The following ADAMTS16 variants were observed in gnomAD, a reference collection of about 807,000 sequenced individuals.
The protein encoded by ADAMTS16 is ADAM metallopeptidase with thrombospondin type 1 motif 16.
ADAMTS16 carries 94 observed loss-of-function variants against 145.8 expected under a neutral mutation model. That is an observed-to-expected ratio of 0.64 (90% CI 0.55 to 0.77). ADAMTS16 has a LOEUF of 0.77. ADAMTS16 is among the 30% of genes least tolerant of loss of function. The pLI is 0.00. For missense variants in ADAMTS16, 1,585 were observed against 1,591.5 expected (o/e 1.00, Z 0.07); for synonymous variants, 659 against 604.3 (o/e 1.09, Z -1.33).
chr5:5,145,041 G>A (rs1276616612), intron 2 of ADAMTS16, among the ~76,000 whole-genome samples: 1 of 152,166 alleles, frequency 6.6e-6, no homozygotes, highest in Admixed American at 6.5e-5. Context: ...GGCCTCACGG[G>A]AGCCTTGCAG....
chr5:5,318,845 G>A (rs1276829481), intron 22 of ADAMTS16, among the ~76,000 whole-genome samples, 178 bp from the exon 23 acceptor site: 1 of 152,204 alleles, frequency 6.6e-6, no homozygotes, highest in Non-Finnish European at 1.5e-5. Flanking sequence ...AAACTTCCAA[G>A]AAGGCTCTTG....
At chr5:5,143,820 G>A (rs1734227255) in intron 2 of ADAMTS16, among the ~76,000 whole-genome samples, 1 of 152,194 alleles carries the variant, frequency 6.6e-6, no homozygotes. Flanking sequence ...ATGAGTTCAT[G>A]TCATTTGCAG....
intron 18 of ADAMTS16, among the ~76,000 whole-genome samples, chr5:5,267,228 C>G (rs1298231428): frequency 1.3e-5 from 2 of 152,154 alleles, no homozygotes; most frequent in Non-Finnish European, 2.9e-5. Context: ...CTCCTGAACT[C>G]CCAGTGGGCA....
chr5:5,204,299 C>T (rs1489256699), intron 9 of ADAMTS16, among the ~76,000 whole-genome samples: 2 of 152,118 alleles, frequency 1.3e-5, no homozygotes, highest in Non-Finnish European at 1.5e-5. Flanking sequence ...TTTGACCTTC[C>T]TTAATGTGTT....
chr5:5,255,909 C>A (rs1338293258), intron 17 of ADAMTS16, among the ~76,000 whole-genome samples: 1 of 152,168 alleles, frequency 6.6e-6, no homozygotes, highest in Non-Finnish European at 1.5e-5. Context: ...TATTCTTACT[C>A]ATATATTGAC....
intron 4 of ADAMTS16, among the ~76,000 whole-genome samples, chr5:5,182,899 A>C (rs1353713985): frequency 6.6e-6 from 1 of 152,132 alleles, no homozygotes; most frequent in Non-Finnish European, 1.5e-5. Flanking sequence ...CACTTCCTTG[A>C]GCTCTCTCCT....
At chr5:5,313,020 A>T (rs530160955) in intron 21 of ADAMTS16, among the ~76,000 whole-genome samples, 56 of 152,356 alleles carry the variant, frequency 3.7e-4, no homozygotes, top group Non-Finnish European at 2.5e-4. Flanking sequence ...CTTTATCATT[A>T]TTTAACGTAT....
At position 5,283,280 on chromosome 5, in the gene ADAMTS16, A is replaced by G. The variant is rs527400947; in HGVS notation, c.2790-19988A>G. Among the ~76,000 whole-genome samples the G allele has an allele frequency of 1.1e-4, 16 of 152,322 alleles. No individual in the cohort carries two copies. In the South Asian group the frequency reaches 3.1e-3, roughly 30 times the overall value. On this transcript the variant is annotated intron_variant, in intron 18 of 22. Coordinates refer to ENST00000274181, the MANE Select transcript of ADAMTS16 (RefSeq NM_139056.4). The stretch of plus-strand genomic sequence containing the variant: ...ATCACATATTACATTGTAATTTTTT[A>G]TCTGATTATGGAAACATTCACTTAT...
chr5:5,214,438 C>A (rs1736367635), intron 10 of ADAMTS16, among the ~76,000 whole-genome samples: 1 of 151,964 alleles, frequency 6.6e-6, no homozygotes, highest in Admixed American at 6.6e-5. Flanking sequence ...TGGAGTCTTG[C>A]TCTATCGCCC....
At chr5:5,177,343 G>A (rs1735225513) in intron 3 of ADAMTS16, among the ~76,000 whole-genome samples, 2 of 152,204 alleles carry the variant, frequency 1.3e-5, no homozygotes, top group African/African-American at 4.8e-5. Flanking sequence ...CTGAAATTGT[G>A]AAGCCTGGAC....
At chr5:5,212,801 G>A (rs956080441) in intron 10 of ADAMTS16, among the ~76,000 whole-genome samples, 1 of 152,082 alleles carries the variant, frequency 6.6e-6, no homozygotes, top group African/African-American at 2.4e-5. Flanking sequence ...TTATATAGTA[G>A]ATTTCAATCT....
chr5:5,319,275 C>G lies in ADAMTS16; in HGVS notation c.*137C>G. On this transcript the variant is annotated 3_prime_UTR_variant, in exon 23 of 23. Coordinates refer to ENST00000274181, the MANE Select transcript of ADAMTS16 (RefSeq NM_139056.4). ...AAGAAAACCGTGTTAGGCTCTTTGA[C>G]CAGGAGTGTATGTATGTGTTTCACT... 1 of 685,442 alleles carries G rather than the reference C, an allele frequency of 1.5e-6. No homozygotes were observed. The highest frequency in any genetic ancestry group is 2.5e-6 in the Non-Finnish European group (1 of 392,416). 42.5% of individuals were successfully genotyped at this position (685,442 alleles called of 1,614,324 possible).
chr5:5,183,085 T>A (rs1472722890), intron 4 of ADAMTS16, among the ~76,000 whole-genome samples: 1 of 152,344 alleles, frequency 6.6e-6, no homozygotes, highest in East Asian at 1.9e-4. Context: ...CAAAAATCTC[T>A]TGGCACCTAC....
At chr5:5,275,297 G>A (rs766142104) in intron 18 of ADAMTS16, among the ~76,000 whole-genome samples, 2 of 151,804 alleles carry the variant, frequency 1.3e-5, no homozygotes, top group Non-Finnish European at 1.5e-5. Flanking sequence ...TTCTTATATT[G>A]AAATCAAAGG....
intron 18 of ADAMTS16, among the ~76,000 whole-genome samples, chr5:5,301,686 T>G (rs1348220934): frequency 6.6e-6 from 1 of 152,074 alleles, no homozygotes; most frequent in Non-Finnish European, 1.5e-5. Flanking sequence ...GACTGTGGGG[T>G]TCAGTGTGGG....
rs371107303 is a variant in ADAMTS16, at chr5:5,239,844, T to C, written c.2442T>C (p.Thr814=). ...DWPGRYKFSG[T]TFDYRRSYNE... ...CCGGCCGGTACAAATTTTCGGGCAC[T>C]ACTTTCGACTACAGACGGTCCTATA... The change falls in exon 16 of 23, where the codon ACT becomes ACC. Residue 814 remains threonine, a synonymous_variant. Coordinates refer to ENST00000274181, the MANE Select transcript of ADAMTS16 (RefSeq NM_139056.4). The C allele has an allele frequency of 6.2e-6, 10 of 1,614,038 alleles. No individual in the cohort carries two copies. Among genetic ancestry groups the C allele is most frequent in the Admixed American group, 1.7e-5 (1 of 60,008 alleles).
chr5:5,151,895 T>G (rs1020462485), intron 3 of ADAMTS16, among the ~76,000 whole-genome samples: 2 of 152,188 alleles, frequency 1.3e-5, no homozygotes, highest in African/African-American at 4.8e-5. Context: ...CATTTTTTCC[T>G]CCTTTCTGCC....
chr5:5,229,296 C>T (rs1302582975), intron 11 of ADAMTS16, among the ~76,000 whole-genome samples: 1 of 121,112 alleles, frequency 8.3e-6, no homozygotes, highest in Non-Finnish European at 1.7e-5. Flanking sequence ...CAGAGCGAGA[C>T]TCCGTCTCAA....
intron 3 of ADAMTS16, among the ~76,000 whole-genome samples, chr5:5,180,388 T>A (rs1735308915): frequency 6.6e-6 from 1 of 152,264 alleles, no homozygotes; most frequent in African/African-American, 2.4e-5. Flanking sequence ...TTAGGACTTT[T>A]AAAATTCATC....
Sources: allele counts gnomAD v4.1 joint callset (sites outside exome capture counted in the v4.1 genomes callset), GRCh38; gene constraint gnomAD v4.1.1; transcripts MANE v1.5; gene names NCBI Gene and HGNC (gene_info 2026-07-23, HGNC 2026-07-21).